ABCA10: variants seen among roughly 807,000 people sequenced by gnomAD.
ABCA10 encodes ATP-binding cassette sub-family A member 10.
ABCA10 carries 169 observed loss-of-function variants against 187.5 expected under a neutral mutation model. The ratio of observed to expected loss-of-function variants is 0.90; its 90% CI spans 0.80 to 1.02. The LOEUF (loss-of-function observed/expected upper bound fraction) is 1.02, where lower values mean the gene tolerates loss of function less well. Among genes scored for constraint, ABCA10 ranks in the 50% least tolerant of loss-of-function variants. The pLI is 0.00. For missense variants in ABCA10, 1,727 were observed against 1,812.4 expected (o/e 0.95, Z 0.86); for synonymous variants, 574 against 601.8 (o/e 0.95, Z 0.68).
At chr17:69,216,397 CAT>C (rs753160015) in intron 6 of ABCA10, 39 bp from the exon 7 acceptor site, 2 of 1,575,682 alleles carry the variant, frequency 1.3e-6, no homozygotes, top group African/African-American at 2.7e-5. Context: ...CTGTCACAAA[CAT>C]AAATGTTTGG....
intron 24 of ABCA10, 57 bp downstream of exon 24, chr17:69,174,550 G>T: frequency 1.3e-6 from 2 of 1,490,114 alleles, no homozygotes; most frequent in South Asian, 1.4e-5. Context: ...TCATGAAAAT[G>T]AATTTTCATT....
In ABCA10 at chr17:69,214,689, AC is replaced by A; in HGVS notation, c.1006+14del. The A allele has an allele frequency of 6.9e-7, 1 of 1,456,308 alleles. No homozygotes were observed. Among genetic ancestry groups the A allele is most frequent in the East Asian group, 2.7e-5 (1 of 36,964 alleles). 90.2% of individuals were successfully genotyped at this position (1,456,308 alleles called of 1,614,324 possible). On this transcript the variant is annotated intron_variant, in intron 9 of 38. Coordinates refer to ENST00000690296, the MANE Select transcript of ABCA10 (RefSeq NM_001377321.1). ...AATTGCTTTAAATTTAACTTTAACC[AC>A]ACTATTAACTTACCAGGTAAAACTC...
Position 69,191,359 on chromosome 17 carries a change from A to C in ABCA10, c.1872-44T>G, listed in dbSNP as rs572136150. The C allele has an allele frequency of 1.0e-5, 15 of 1,461,018 alleles. No homozygotes were observed. The South Asian group carries it at 2.3e-4, about 22-fold the overall frequency. The allele number at this position is 1,461,018 out of a possible 1,614,324, so 90.5% of individuals were successfully genotyped here. Reference sequence around the variant, plus strand: ...CATAAGTCTCTTGAATTCTTTTCCAACACCACCACTCATGAAAAGATAGTT... The same window carrying C: ...CATAAGTCTCTTGAATTCTTTTCCACCACCACCACTCATGAAAAGATAGTT... On this transcript the variant is annotated intron_variant, in intron 16 of 38. Transcript: ENST00000690296.
Position 69,170,013 on chromosome 17 carries a change from C to T in ABCA10, c.3162+4268G>A, listed in dbSNP as rs563434534. Among the ~76,000 whole-genome samples, 55 of 152,224 alleles carry T rather than the reference C, an allele frequency of 3.6e-4. 1 individual carries two copies. Among genetic ancestry groups the T allele is most frequent in the African/African-American group, 1.3e-3 (53 of 41,518 alleles). On this transcript the variant is annotated intron_variant, in intron 25 of 38. Transcript: ENST00000690296. ...AATTAAGTTGGATTTTCTGGCCGGG[C>T]ACGGTGGTTCAATCCTGTAATCCTA...
Position 69,191,196 on chromosome 17 carries a change from T to C in ABCA10, c.1991A>G (p.Glu664Gly). The C allele has an allele frequency of 6.3e-7, 1 of 1,595,210 alleles. No individual in the cohort carries two copies. The highest frequency in any genetic ancestry group is 8.5e-7 in the Non-Finnish European group (1 of 1,169,608). Residue 664 changes from glutamate (E) to glycine (G), a missense_variant, in exon 17 of 39, where the codon GAA becomes GGA. Glu to Gly is a moderately conservative substitution (Grantham distance 98, BLOSUM62 -2). Transcript: ENST00000690296. ...EEKLVYSLPLEKTNKFPDLYS... is the reference protein window; with the variant it reads ...EEKLVYSLPLGKTNKFPDLYS... ...GTTACCTGGAAATTTGTTCGTTTTT[T>C]CCAAAGGCAAACTATATACAAGTTT... is the stretch of plus-strand genomic sequence containing the variant.
Position 69,192,454 on chromosome 17 carries a change from G to A in ABCA10, c.1871+109C>T, listed in dbSNP as rs2074467752. ...ATTTTGAGCTGTTTATTGCAAAACA[G>A]TTTCTACCAGAAGTTAAGTTGCCTT... On this transcript the variant is annotated intron_variant, in intron 16 of 38. Transcript: ENST00000690296. The A allele has an allele frequency of 7.6e-6, 7 of 923,040 alleles. No homozygotes were observed. In the African/African-American group the frequency reaches 8.4e-5, roughly 11 times the overall value. 57.2% of individuals were successfully genotyped at this position (923,040 alleles called of 1,614,324 possible).
intron 10 of ABCA10, among the ~76,000 whole-genome samples, chr17:69,199,710 A>G (rs776401985): frequency 2.6e-5 from 4 of 152,220 alleles, no homozygotes; most frequent in Non-Finnish European, 5.9e-5. Context: ...TCCATTGTTC[A>G]CTGGATTAAT....
chr17:69,162,381 A>G (rs1024678210), intron 27 of ABCA10, among the ~76,000 whole-genome samples: 10 of 152,228 alleles, frequency 6.6e-5, no homozygotes, highest in African/African-American at 2.4e-4. Context: ...TTGGATGCTC[A>G]GGGCATTTTG....
In ABCA10 at chr17:69,201,554, G is replaced by A; in HGVS notation, c.1121C>T (p.Ser374Phe). 1 of 1,610,846 alleles carries A rather than the reference G, an allele frequency of 6.2e-7. No individual in the cohort carries two copies. Among genetic ancestry groups the A allele is most frequent in the Middle Eastern group, 1.7e-4 (1 of 6,044 alleles). Residue 374 changes from serine (S) to phenylalanine (F), a missense_variant, in exon 10 of 39, where the codon TCT becomes TTT. By Grantham distance (155) the Ser-to-Phe change is radical (BLOSUM62 -2). Coordinates refer to ENST00000690296, the MANE Select transcript of ABCA10 (RefSeq NM_001377321.1). ...AGACACCGGTTCAAAAGAATCATCA[G>A]AGGAATGCTCAGGATTTATTTCATT... ...FENEINPEHSSDDSFEPVSPE... is the reference protein window; with the variant it reads ...FENEINPEHSFDDSFEPVSPE...
At chr17:69,233,418 A>G (rs955172092), upstream of ABCA10, 2 of 151,740 alleles carry the variant, frequency 1.3e-5, no homozygotes, top group African/African-American at 4.8e-5. Flanking sequence ...TTTTTTAATT[A>G]TTATTTCAAT....
At chr17:69,186,327 G>A (rs149637112) in intron 19 of ABCA10, among the ~76,000 whole-genome samples, 62 of 151,350 alleles carry the variant, frequency 4.1e-4, no homozygotes, top group African/African-American at 1.1e-3. Context: ...TCATCTTATC[G>A]CCGCCAAAAG....
Position 69,175,508 on chromosome 17 carries a change from G to A in ABCA10, c.2775C>T (p.Asp925=), listed in dbSNP as rs2144780900. Residue 925 remains aspartate, a synonymous_variant, in exon 23 of 39, where the codon GAC becomes GAT. Coordinates refer to ENST00000690296, the MANE Select transcript of ABCA10 (RefSeq NM_001377321.1). Reference sequence around the variant, plus strand: ...CTATAAAACCAAGATCCAGCACTATGTCATCCTGAAAGATGAAAACACATC... The same window carrying A: ...CTATAAAACCAAGATCCAGCACTATATCATCCTGAAAGATGAAAACACATC... ...QMESTSFSRD[D]IVLDLGFIDG... 6.2e-7 allele frequency: 1 copy of A among 1,605,494 alleles called. No homozygotes were observed. Among genetic ancestry groups the A allele is most frequent in the Non-Finnish European group, 8.5e-7 (1 of 1,175,472 alleles).
chr17:69,179,561 A>C (rs2074363067), intron 22 of ABCA10, among the ~76,000 whole-genome samples: 1 of 152,188 alleles, frequency 6.6e-6, no homozygotes, highest in Non-Finnish European at 1.5e-5. Flanking sequence ...ACTCCACCTA[A>C]GGATTAACAT....
chr17:69,197,267 C>T, intron 10 of ABCA10, 145 bp from the exon 11 acceptor site: 1 of 569,604 alleles, frequency 1.8e-6, no homozygotes, highest in Admixed American at 3.0e-5. Context: ...AAGCCCTCCC[C>T]TGACCACTCC....
intron 1 of ABCA10, among the ~76,000 whole-genome samples, chr17:69,236,782 T>C (rs1374449399): frequency 7.4e-6 from 1 of 135,842 alleles, no homozygotes; most frequent in African/African-American, 2.7e-5. Flanking sequence ...TGTGGAGACA[T>C]TTTTGGTCTT....
At chr17:69,194,192 A>G (rs2074482224) in intron 12 of ABCA10, among the ~76,000 whole-genome samples, 193 bp downstream of exon 12, 1 of 152,196 alleles carries the variant, frequency 6.6e-6, no homozygotes, top group Non-Finnish European at 1.5e-5. Context: ...CAAAATATAC[A>G]TGGAATGTCA....
chr17:69,227,575 C>T (rs1009623184), intron 1 of ABCA10, among the ~76,000 whole-genome samples: 1 of 151,824 alleles, frequency 6.6e-6, no homozygotes, highest in East Asian at 1.9e-4. Context: ...ACATTACATC[C>T]ACCTAAAGTA....
chr17:69,174,707 A>G lies in ABCA10; in HGVS notation c.2948T>C (p.Val983Ala). The change falls in exon 24 of 39, where the codon GTG becomes GCG. Residue 983 changes from valine (V) to alanine (A), a missense_variant. Coordinates refer to ENST00000690296, the MANE Select transcript of ABCA10 (RefSeq NM_001377321.1). Reference protein sequence around the residue: ...PSAYWCGQALVDIPLYFLILF... With the variant: ...PSAYWCGQALADIPLYFLILF... ...AATCAAGAAGTATAATGGAATGTCC[A>G]CCAGAGCCTGTCCACACCAGTATGC... 1 of 1,612,692 alleles carries G rather than the reference A, an allele frequency of 6.2e-7. No homozygotes were observed. The highest frequency in any genetic ancestry group is 8.5e-7 in the Non-Finnish European group (1 of 1,179,064).
intron 5 of ABCA10, among the ~76,000 whole-genome samples, chr17:69,220,044 CAT>C (rs2144845215): frequency 6.6e-6 from 1 of 152,274 alleles, no homozygotes; most frequent in African/African-American, 2.4e-5. Context: ...TCTTCATTCT[CAT>C]AGAGATTTAC....
Sources: gnomAD v4.1 joint callset for allele counts (sites outside exome capture counted in the v4.1 genomes callset) on GRCh38, gnomAD v4.1.1 for gene constraint, MANE v1.5 for transcripts, NCBI Gene and HGNC (gene_info 2026-07-23, HGNC 2026-07-21) for gene names.